UNC79: variants seen among roughly 807,000 people sequenced by gnomAD.
The protein encoded by UNC79 is unc-79 subunit of NALCN channel complex, also known as protein unc-79 homolog.
Under a neutral mutation model 283.1 loss-of-function variants are expected in UNC79, and 37 were observed. The observed-to-expected ratio is 0.13, with a 90% CI of 0.10 to 0.17. UNC79 has a LOEUF of 0.17. Among genes scored for constraint, UNC79 ranks in the 10% least tolerant of loss-of-function variants. UNC79 has a pLI of 1.00. For missense variants in UNC79, 2,272 were observed against 3,211.1 expected (o/e 0.71, Z 7.07); for synonymous variants, 1,107 against 1,200.2 (o/e 0.92, Z 1.61).
intron 33 of UNC79, among the ~76,000 whole-genome samples, chr14:93,641,639 T>A: frequency 6.6e-6 from 1 of 151,948 alleles, no homozygotes; most frequent in African/African-American, 2.4e-5. Context: ...GGTGATAGAG[T>A]GACTGTCTCA....
chr14:93,632,126 C>T (rs1024004904), intron 31 of UNC79, among the ~76,000 whole-genome samples: 1 of 152,176 alleles, frequency 6.6e-6, no homozygotes. Context: ...TGATGCTAGG[C>T]CCTTTAGACT....
chr14:93,600,900 T>G, intron 25 of UNC79, 130 bp downstream of exon 25: 2 of 924,472 alleles, frequency 2.2e-6, no homozygotes, highest in Non-Finnish European at 1.6e-6. Flanking sequence ...CTCAATTCAT[T>G]AAATGATTAT....
At chr14:93,699,543 G>C (rs543693009) in intron 47 of UNC79, among the ~76,000 whole-genome samples, 24 of 152,204 alleles carry the variant, frequency 1.6e-4, no homozygotes, top group Admixed American at 1.4e-3. Flanking sequence ...GTTTAGAAGT[G>C]TGTTTTTTAA....
intron 7 of UNC79, among the ~76,000 whole-genome samples, chr14:93,512,403 C>A (rs200324065): frequency 1.4e-5 from 1 of 73,838 alleles, no homozygotes; most frequent in Non-Finnish European, 3.1e-5. Context: ...GTTTGCTGAG[C>A]TTCTCGAATC....
chr14:93,563,540 G>A (rs1449368227), intron 14 of UNC79, among the ~76,000 whole-genome samples: 2 of 152,220 alleles, frequency 1.3e-5, no homozygotes, highest in Non-Finnish European at 2.9e-5. Context: ...AAGGCAGTGA[G>A]TTCGGCTTGC....
chr14:93,546,944 G>A (rs1455268277), intron 14 of UNC79, among the ~76,000 whole-genome samples: 1 of 152,082 alleles, frequency 6.6e-6, no homozygotes, highest in African/African-American at 2.4e-5. Context: ...AAGCATTTTT[G>A]CTAGTAGCTG....
intron 19 of UNC79, among the ~76,000 whole-genome samples, chr14:93,581,173 T>C (rs1278956373): frequency 6.6e-6 from 1 of 151,958 alleles, no homozygotes; most frequent in Non-Finnish European, 1.5e-5. Flanking sequence ...TTAAAAAAAT[T>C]ATTTATTATT....
intron 47 of UNC79, among the ~76,000 whole-genome samples, chr14:93,695,233 A>G (rs1242735127): frequency 6.6e-6 from 1 of 152,094 alleles, no homozygotes; most frequent in African/African-American, 2.4e-5. Flanking sequence ...ACTGTCACCA[A>G]CCACCATCAC....
rs771339131 is a variant in UNC79 at position 93,686,674 on chromosome 14, C to T, written c.6909+13C>T. 48 of 1,613,762 alleles carry T rather than the reference C, an allele frequency of 3.0e-5. No homozygotes were observed. The Admixed American group carries it at 8.0e-4, about 27-fold the overall frequency. Reference sequence around the variant, plus strand: ...GACCAAACTGAAGGTGAGATGACCGCCACCTGCTCATCCCTCAGGTTCACA... The same window carrying T: ...GACCAAACTGAAGGTGAGATGACCGTCACCTGCTCATCCCTCAGGTTCACA... On this transcript the variant is annotated intron_variant, in intron 43 of 48. Transcript: ENST00000555664.
chr14:93,643,636 A>G, exon 34 of UNC79: 2 of 1,613,528 alleles, frequency 1.2e-6, no homozygotes, highest in Non-Finnish European at 1.7e-6. Context: ...CTCCACATTC[A>G]TTCACTTAAG....
intron 7 of UNC79, among the ~76,000 whole-genome samples, chr14:93,505,908 T>C (rs995561261): frequency 1.3e-5 from 2 of 151,868 alleles, no homozygotes; most frequent in African/African-American, 4.8e-5. Flanking sequence ...CTGCGTAAAG[T>C]GGCAGAAAAT....
chr14:93,398,269 A>T (rs1412929432), intron 1 of UNC79, among the ~76,000 whole-genome samples: 1 of 152,176 alleles, frequency 6.6e-6, no homozygotes, highest in African/African-American at 2.4e-5. Flanking sequence ...GCCAGGTGGG[A>T]TGTTGCCCTG....
chr14:93,504,777 T>A (rs1316992693), intron 7 of UNC79, among the ~76,000 whole-genome samples: 1 of 152,054 alleles, frequency 6.6e-6, no homozygotes, highest in African/African-American at 2.4e-5. Context: ...TACTTTAATA[T>A]GCACAATTAT....
At chr14:93,364,547 ATTCCAGGCTCAGTTTC>A in intron 1 of UNC79, among the ~76,000 whole-genome samples, 1 of 98,320 alleles carries the variant, frequency 1.0e-5, no homozygotes, top group Non-Finnish European at 2.4e-5. Flanking sequence ...GATGTGGGAA[ATTCCAGGCTCAGTTTC>A]AACATATACA....
intron 1 of UNC79, among the ~76,000 whole-genome samples, chr14:93,340,904 G>C (rs552554021): frequency 6.6e-6 from 1 of 152,066 alleles, no homozygotes; most frequent in Non-Finnish European, 1.5e-5. Flanking sequence ...GTTAAAATAC[G>C]TAAGGACGCA....
intron 1 of UNC79, among the ~76,000 whole-genome samples, chr14:93,382,131 A>C (rs1163322598): frequency 6.6e-6 from 1 of 152,170 alleles, no homozygotes; most frequent in Non-Finnish European, 1.5e-5. Flanking sequence ...TCTGGTTCCT[A>C]ATAATACAAG....
intron 41 of UNC79, 48 bp from the exon 45 acceptor site, chr14:93,682,569 A>C (rs1391471629): frequency 1.4e-6 from 2 of 1,475,024 alleles, no homozygotes; most frequent in East Asian, 4.6e-5. Context: ...ATTACTTATT[A>C]ATGTCCAGAT....
At chr14:93,430,096 C>T (rs975381121), upstream of UNC79, among the ~76,000 whole-genome samples, 4 of 152,300 alleles carry the variant, frequency 2.6e-5, no homozygotes, top group South Asian at 2.1e-4. This position sits in a 1 kb window ranked among gnomAD's most constrained non-coding sequence, Gnocchi z 4.6. Context: ...GTTTTCCAGT[C>T]GAGGGGCTTC....
At chr14:93,600,796 A>T (rs2142040234) in intron 25 of UNC79, 26 bp downstream of exon 25, 1 of 1,606,324 alleles carries the variant, frequency 6.2e-7, no homozygotes, top group East Asian at 2.2e-5. Flanking sequence ...AACTTGCTGT[A>T]AACCGTTGCA....
Sources: gnomAD v4.1 joint callset for allele counts (sites outside exome capture counted in the v4.1 genomes callset) on GRCh38, gnomAD v4.1.1 for gene constraint, Gnocchi (gnomAD v3.1) non-coding constraint, MANE v1.5 for transcripts, NCBI Gene and HGNC (gene_info 2026-07-23, HGNC 2026-07-21) for gene names.